ALKAL1: variants seen among roughly 807,000 people sequenced by gnomAD.
The protein encoded by ALKAL1 is AUG-beta.
ALKAL1 carries 23 observed loss-of-function variants against 13.5 expected under a neutral mutation model. The observed-to-expected ratio is 1.70, with a 90% CI of 1.23 to 2.41. The LOEUF (loss-of-function observed/expected upper bound fraction) is 2.41, where lower values mean the gene tolerates loss of function less well. Ranked by LOEUF, ALKAL1 falls within the 30% of genes most tolerant of loss-of-function variation. The pLI is 0.00. For synonymous variants in ALKAL1, 85 were observed against 77.7 expected (o/e 1.09, Z -0.49); for missense variants, 181 against 178.4 (o/e 1.01, Z -0.08).
At chr8:52,558,998 G>A (rs1191371944) in intron 1 of ALKAL1, among the ~76,000 whole-genome samples, 1 of 152,144 alleles carries the variant, frequency 6.6e-6, no homozygotes, top group Non-Finnish European at 1.5e-5. Context: ...GGCCTGACAG[G>A]AGCAAGGGGC....
intron 1 of ALKAL1, among the ~76,000 whole-genome samples, chr8:52,561,668 A>T (rs1847551744): frequency 6.6e-6 from 1 of 152,334 alleles, no homozygotes; most frequent in Non-Finnish European, 1.5e-5. Flanking sequence ...ATTTATGACC[A>T]GGAAGAGACC....
rs2150349170 is a variant in ALKAL1, at chr8:52,565,231, G to A, written c.26C>T (p.Pro9Leu). 1.7e-5 allele frequency: 23 copies of A among 1,325,498 alleles called. No homozygotes were observed. The highest frequency in any genetic ancestry group is 2.2e-5 in the Non-Finnish European group (23 of 1,030,712). 82.1% of individuals were successfully genotyped at this position (1,325,498 alleles called of 1,614,324 possible). A position where few individuals can be genotyped will look rare whatever the true frequency, so the allele number is the denominator to read the frequency against. The change falls in exon 1 of 5, where the codon CCT (proline) becomes CTT (leucine). Residue 9 changes from proline (P) to leucine (L), a missense_variant. Pro to Leu is a moderately conservative substitution (Grantham distance 98). Transcript: ENST00000358543. ...CGCCAGCAGGAAGAGTGCGGGCAAA[G>A]GGGCGCCGGGCTTAAGGGGCCGCAT... is the stretch of plus-strand genomic sequence containing the variant. The part of the protein sequence containing the change: MRPLKPGA[P>L]LPALFLLALA...
At chr8:52,549,802 C>T (rs777375936) in intron 1 of ALKAL1, among the ~76,000 whole-genome samples, 7 of 151,884 alleles carry the variant, frequency 4.6e-5, no homozygotes, top group Admixed American at 6.6e-5. Flanking sequence ...ATTAGTCAGG[C>T]GTGGTGGCAC....
chr8:52,542,555 C>T lies in ALKAL1; in HGVS notation c.191-110G>A, dbSNP rs1203542193. 8 of 697,976 alleles carry T rather than the reference C, an allele frequency of 1.1e-5. No homozygotes were observed. The East Asian group carries it at 1.4e-4, about 12-fold the overall frequency. The allele number at this position is 697,976 out of a possible 1,614,324, so 43.2% of individuals were successfully genotyped here. A position where few individuals can be genotyped will look rare whatever the true frequency, so the allele number is the denominator to read the frequency against. ...AGGCACTAAACACATGGATTTGTGA[C>T]AGTTTATTTAGCTGATCCCAAACTG... On this transcript the variant is annotated intron_variant, in intron 1 of 4. Coordinates refer to ENST00000358543, the MANE Select transcript of ALKAL1 (RefSeq NM_207413.4).
At chr8:52,539,179 T>A (rs1010586612) in intron 3 of ALKAL1, among the ~76,000 whole-genome samples, 4 of 152,094 alleles carry the variant, frequency 2.6e-5, no homozygotes, top group Non-Finnish European at 5.9e-5. Flanking sequence ...AGATGAGCAA[T>A]CTAGTTAAAA....
intron 1 of ALKAL1, among the ~76,000 whole-genome samples, chr8:52,545,133 A>G (rs1847356754): frequency 6.6e-6 from 1 of 152,186 alleles, no homozygotes; most frequent in African/African-American, 2.4e-5. Flanking sequence ...GTGAAAGGAA[A>G]ATAAATCTCA....
chr8:52,542,357 T>C (rs1847322698), intron 2 of ALKAL1, 35 bp downstream of exon 2: 6 of 1,349,604 alleles, frequency 4.4e-6, no homozygotes, highest in Non-Finnish European at 6.3e-6. Context: ...TCTTTTTATT[T>C]AGTTAATGGA....
intron 1 of ALKAL1, among the ~76,000 whole-genome samples, chr8:52,550,082 A>G (rs1847414960): frequency 6.6e-6 from 1 of 152,222 alleles, no homozygotes; most frequent in South Asian, 2.1e-4. Flanking sequence ...ATATTTGTAA[A>G]TACATGTTTT....
At chr8:52,559,207 C>T (rs1379131439) in intron 1 of ALKAL1, among the ~76,000 whole-genome samples, 4 of 152,130 alleles carry the variant, frequency 2.6e-5, no homozygotes, top group South Asian at 4.1e-4. Context: ...GACAAATATC[C>T]GAACCAGAGC....
At chr8:52,549,628 T>A (rs1196531227) in intron 1 of ALKAL1, among the ~76,000 whole-genome samples, 2 of 152,008 alleles carry the variant, frequency 1.3e-5, no homozygotes, top group Non-Finnish European at 2.9e-5. Context: ...TTTAAATATA[T>A]TCAAGAAATA....
In ALKAL1 at chr8:52,565,169, G is replaced by A; in HGVS notation, c.88C>T (p.Arg30Trp). 3.6e-6 allele frequency: 5 copies of A among 1,389,672 alleles called. No individual in the cohort carries two copies. The highest frequency in any genetic ancestry group is 4.7e-6 in the Non-Finnish European group (5 of 1,063,482). 86.1% of individuals were successfully genotyped at this position (1,389,672 alleles called of 1,614,324 possible). A position where few individuals can be genotyped will look rare whatever the true frequency, so the allele number is the denominator to read the frequency against. ...GTGACGCGCGCTCCCCTGCGCCCCC[G>A]GGGCCTCCCGTGGGCTCCGTGCGGG... ...LSPHGAHGRP[R>W]GRRGARVTDK... Residue 30 changes from arginine (R) to tryptophan (W), a missense_variant, in exon 1 of 5, where the codon CGG becomes TGG. Transcript: ENST00000358543.
intron 4 of ALKAL1, 98 bp from the exon 5 acceptor site, chr8:52,534,698 C>T (rs954446981): frequency 6.5e-6 from 3 of 458,278 alleles, no homozygotes; most frequent in Non-Finnish European, 1.1e-5. Context: ...CTTAAAGACT[C>T]TGTGGACTCC....
intron 1 of ALKAL1, among the ~76,000 whole-genome samples, chr8:52,548,713 G>C (rs1847398386): frequency 6.6e-6 from 1 of 151,508 alleles, no homozygotes; most frequent in Admixed American, 6.6e-5. Context: ...AAATCAAACA[G>C]ATCTCTAGGT....
At chr8:52,561,857 A>G (rs1485686504) in intron 1 of ALKAL1, among the ~76,000 whole-genome samples, 1 of 152,232 alleles carries the variant, frequency 6.6e-6, no homozygotes, top group African/African-American at 2.4e-5. Flanking sequence ...GTAAACATTT[A>G]CTGAAATCTC....
chr8:52,549,715 G>A (rs1847410963), intron 1 of ALKAL1, among the ~76,000 whole-genome samples: 1 of 152,118 alleles, frequency 6.6e-6, no homozygotes, highest in African/African-American at 2.4e-5. Flanking sequence ...GCTGAGGCAG[G>A]CAGATCACTT....
At chr8:52,559,991 A>G (rs767253381) in intron 1 of ALKAL1, among the ~76,000 whole-genome samples, 1 of 152,136 alleles carries the variant, frequency 6.6e-6, no homozygotes, top group Non-Finnish European at 1.5e-5. Flanking sequence ...AATTTACACA[A>G]TGACTTTGGT....
chr8:52,563,917 T>C (rs1187650749), intron 1 of ALKAL1, among the ~76,000 whole-genome samples: 3 of 152,246 alleles, frequency 2.0e-5, no homozygotes, highest in Non-Finnish European at 4.4e-5. Context: ...CAGACACTGC[T>C]GTCTGCTCCT....
intron 4 of ALKAL1, among the ~76,000 whole-genome samples, chr8:52,537,709 T>C (rs1001028516): frequency 6.6e-6 from 1 of 151,392 alleles, no homozygotes; most frequent in Non-Finnish European, 1.5e-5. Flanking sequence ...TTAAGTGAAG[T>C]AAGTCAGGCA....
chr8:52,557,753 A>G (rs2360281), intron 1 of ALKAL1, among the ~76,000 whole-genome samples: 35,896 of 151,984 alleles, frequency 0.24, 4,745 homozygotes, highest in East Asian at 0.63. Context: ...GGAAGGCAAA[A>G]GACTGCAGAT....
Sources: gnomAD v4.1 joint callset for allele counts (sites outside exome capture counted in the v4.1 genomes callset) on GRCh38, gnomAD v4.1.1 for gene constraint, MANE v1.5 for transcripts, NCBI Gene and HGNC (gene_info 2026-07-23, HGNC 2026-07-21) for gene names.